EPHA5: variants seen among roughly 807,000 people sequenced by gnomAD.
EPHA5 encodes EPH receptor A5.
EPHA5 carries 60 observed loss-of-function variants against 105.0 expected under a neutral mutation model. The observed-to-expected ratio is 0.57, with a 90% CI of 0.46 to 0.71. The LOEUF (loss-of-function observed/expected upper bound fraction) is 0.71. Among genes scored for constraint, EPHA5 ranks in the 30% least tolerant of loss-of-function variants. EPHA5 has a pLI of 0.00. For missense variants in EPHA5, 1,218 were observed against 1,274.7 expected (o/e 0.96, Z 0.68); for synonymous variants, 513 against 449.1 (o/e 1.14, Z -1.80).
At chr4:65,650,492 G>A (rs970637002) in intron 1 of EPHA5, among the ~76,000 whole-genome samples, 4 of 149,918 alleles carry the variant, frequency 2.7e-5, no homozygotes, top group Admixed American at 1.3e-4. Flanking sequence ...CTTAGGAGGC[G>A]GAGCTTGCAG....
At chr4:65,562,398 T>C (rs1443294582) in intron 3 of EPHA5, among the ~76,000 whole-genome samples, 1 of 152,052 alleles carries the variant, frequency 6.6e-6, no homozygotes, top group Non-Finnish European at 1.5e-5. Flanking sequence ...ACCATAAATA[T>C]TTGCAGACCT....
At position 65,610,107 on chromosome 4, in the gene EPHA5, C is replaced by T. The variant is rs562664584; in HGVS notation, c.247-7803G>A. Among the ~76,000 whole-genome samples the T allele has an allele frequency of 2.6e-5, 4 of 151,694 alleles. No individual in the cohort carries two copies. In the South Asian group the frequency reaches 6.3e-4, roughly 24 times the overall value. On this transcript the variant is annotated intron_variant, in intron 2 of 16. Coordinates refer to ENST00000613740, the MANE Select transcript of EPHA5 (RefSeq NM_001281766.3). ...AACCAAGATGCCCATCAACAGCGAA[C>T]AGGATAAAAAAATGTGGTAAATATA...
chr4:65,644,619 T>G, intron 1 of EPHA5, among the ~76,000 whole-genome samples: 1 of 152,040 alleles, frequency 6.6e-6, no homozygotes, highest in East Asian at 1.9e-4. Flanking sequence ...CTTTATAAGA[T>G]AATATAACAT....
intron 13 of EPHA5, among the ~76,000 whole-genome samples, chr4:65,350,960 T>C: frequency 6.6e-6 from 1 of 151,942 alleles, no homozygotes; most frequent in East Asian, 1.9e-4. Context: ...TGCAGAGAGC[T>C]TAAACTACCC....
chr4:65,631,058 G>T (rs1203534200), intron 2 of EPHA5, among the ~76,000 whole-genome samples: 1 of 152,048 alleles, frequency 6.6e-6, no homozygotes, highest in Non-Finnish European at 1.5e-5. Context: ...GCCCATCATT[G>T]TACCCCTGCT....
intron 3 of EPHA5, among the ~76,000 whole-genome samples, chr4:65,545,740 T>C (rs150698363): frequency 6.6e-6 from 1 of 152,074 alleles, no homozygotes; most frequent in African/African-American, 2.4e-5. Flanking sequence ...ACATATAAAT[T>C]ACCACTCTTT....
chr4:65,574,600 G>GTA (rs376092912), intron 3 of EPHA5, among the ~76,000 whole-genome samples: 3,750 of 80,264 alleles, frequency 0.047, 295 homozygotes, highest in African/African-American at 0.15. Context: ...ATATATTGCT[G>GTA]TATATATATA....
chr4:65,512,207 T>G (rs1733691417), intron 3 of EPHA5, among the ~76,000 whole-genome samples: 1 of 152,090 alleles, frequency 6.6e-6, no homozygotes, highest in South Asian at 2.1e-4. Context: ...ACAGGTTGGG[T>G]AAAAATGCAC....
intron 5 of EPHA5, among the ~76,000 whole-genome samples, chr4:65,456,301 C>A (rs1459611677): frequency 6.6e-6 from 1 of 151,364 alleles, no homozygotes; most frequent in Admixed American, 6.6e-5. Flanking sequence ...ATTTCTGAAC[C>A]CTTCTTTACT....
At chr4:65,397,645 T>C (rs1160250857) in intron 8 of EPHA5, among the ~76,000 whole-genome samples, 1 of 151,984 alleles carries the variant, frequency 6.6e-6, no homozygotes, top group Non-Finnish European at 1.5e-5. Context: ...CTTTGTATAA[T>C]ACTCACACTT....
At chr4:65,493,291 A>G (rs1199289797) in intron 4 of EPHA5, among the ~76,000 whole-genome samples, 1 of 152,208 alleles carries the variant, frequency 6.6e-6, no homozygotes, top group Non-Finnish European at 1.5e-5. Context: ...ACTAACCTTT[A>G]ATTTAAGCAG....
chr4:65,494,117 G>A (rs1363225446), intron 4 of EPHA5, among the ~76,000 whole-genome samples: 2 of 152,086 alleles, frequency 1.3e-5, no homozygotes, highest in Non-Finnish European at 2.9e-5. Context: ...ATTTGAAGAG[G>A]AAATTATTTT....
chr4:65,368,050 A>C (rs571415414), intron 8 of EPHA5, among the ~76,000 whole-genome samples: 12 of 152,206 alleles, frequency 7.9e-5, no homozygotes, highest in African/African-American at 2.9e-4. Flanking sequence ...TACTAGGAAA[A>C]AAAATCTGTC....
At chr4:65,340,904 AG>A (rs1721649652) in intron 14 of EPHA5, among the ~76,000 whole-genome samples, 1 of 152,104 alleles carries the variant, frequency 6.6e-6, no homozygotes, top group African/African-American at 2.4e-5. Flanking sequence ...CGTTGCTTCC[AG>A]GCAATTATGG....
intron 14 of EPHA5, among the ~76,000 whole-genome samples, chr4:65,337,168 A>G (rs2148816515): frequency 6.6e-6 from 1 of 152,244 alleles, no homozygotes; most frequent in African/African-American, 2.4e-5. Flanking sequence ...TATAATGATC[A>G]AATCAGGGCA....
chr4:65,511,714 G>A (rs900631834), intron 3 of EPHA5, among the ~76,000 whole-genome samples: 1 of 152,088 alleles, frequency 6.6e-6, no homozygotes, highest in African/African-American at 2.4e-5. Flanking sequence ...TAATTTAAAC[G>A]ACATTTTTTA....
intron 13 of EPHA5, among the ~76,000 whole-genome samples, chr4:65,348,747 G>GTATA (rs1722500629): frequency 1.2e-5 from 1 of 83,766 alleles, no homozygotes. Flanking sequence ...ATATGTGTGT[G>GTATA]CATATATATA....
intron 2 of EPHA5, among the ~76,000 whole-genome samples, chr4:65,615,059 G>A (rs181579860): frequency 1.3e-5 from 2 of 151,850 alleles, no homozygotes; most frequent in East Asian, 1.9e-4. Flanking sequence ...ATGCAATTAT[G>A]CTAAATTGTG....
At chr4:65,559,874 T>C (rs1433055348) in intron 3 of EPHA5, among the ~76,000 whole-genome samples, 1 of 152,156 alleles carries the variant, frequency 6.6e-6, no homozygotes, top group African/African-American at 2.4e-5. Flanking sequence ...AATGTCTCGA[T>C]TACTGAAAAG....
Sources: gnomAD v4.1 joint callset for allele counts (sites outside exome capture counted in the v4.1 genomes callset) on GRCh38, gnomAD v4.1.1 for gene constraint, MANE v1.5 for transcripts, NCBI Gene and HGNC (gene_info 2026-07-23, HGNC 2026-07-21) for gene names.